NRG3: variants seen among roughly 807,000 people sequenced by gnomAD.
NRG3 encodes pro-neuregulin-3, membrane-bound isoform.
A neutral mutation model predicts 66.9 loss-of-function variants in NRG3; 31 were observed. That is an observed-to-expected ratio of 0.46 (90% confidence interval 0.35 to 0.63). NRG3 has a LOEUF of 0.63. Ranked by LOEUF, NRG3 falls within the 20% of genes least tolerant of loss-of-function variation. The pLI is 0.00. For synonymous variants in NRG3, 393 were observed against 359.4 expected (o/e 1.09, Z -1.06); for missense variants, 910 against 878.9 (o/e 1.04, Z -0.45).
chr10:82,983,971 T>G (rs1853186395), intron 8 of NRG3, among the ~76,000 whole-genome samples: 1 of 152,242 alleles, frequency 6.6e-6, no homozygotes, highest in Admixed American at 6.5e-5. Context: ...AAGATTTGTA[T>G]TTAGTGTGCA....
At chr10:82,938,623 G>A (rs1208556986) in intron 4 of NRG3, among the ~76,000 whole-genome samples, 1 of 152,236 alleles carries the variant, frequency 6.6e-6, no homozygotes, top group African/African-American at 2.4e-5. Flanking sequence ...CACCTCATCT[G>A]TCTGAGAGAA....
At chr10:82,036,652 T>A (rs2062804275) in intron 1 of NRG3, among the ~76,000 whole-genome samples, 2 of 152,172 alleles carry the variant, frequency 1.3e-5, no homozygotes, top group South Asian at 4.1e-4. Flanking sequence ...TTTATAAGTG[T>A]ATAGTACAGC....
At chr10:82,846,857 C>T (rs377645957) in intron 3 of NRG3, among the ~76,000 whole-genome samples, 34 of 152,192 alleles carry the variant, frequency 2.2e-4, no homozygotes, top group Middle Eastern at 3.4e-3. Flanking sequence ...ATACAAAATA[C>T]GCACCTACTA....
chr10:82,079,033 A>T (rs939530568), intron 1 of NRG3, among the ~76,000 whole-genome samples: 1 of 152,100 alleles, frequency 6.6e-6, no homozygotes, highest in Non-Finnish European at 1.5e-5. Flanking sequence ...GTATTAATTA[A>T]TGAATTCTTT....
rs74943165 is a variant in NRG3, at chr10:82,401,784, A to G, written c.953+42916A>G. On this transcript the variant is annotated intron_variant, in intron 2 of 8. Coordinates refer to ENST00000372141, the MANE Select transcript of NRG3 (RefSeq NM_001010848.4). ...TAAATTGCTTTTGATATTTGCCTTTAGTAATTCAACCTCATTTTCTTAAGA... is the reference window on the plus strand; with the variant it reads ...TAAATTGCTTTTGATATTTGCCTTTGGTAATTCAACCTCATTTTCTTAAGA... Among the ~76,000 whole-genome samples the G allele has an allele frequency of 5.3e-3, 809 of 152,218 alleles. 7 individuals are homozygous for G. The highest frequency in any genetic ancestry group is 0.019 in the African/African-American group (789 of 41,542).
chr10:81,886,500 A>G (rs751407163), intron 1 of NRG3, among the ~76,000 whole-genome samples: 2 of 152,184 alleles, frequency 1.3e-5, no homozygotes, highest in Admixed American at 6.6e-5. Context: ...TTATATATCC[A>G]TAAGAAATTT....
intron 1 of NRG3, among the ~76,000 whole-genome samples, chr10:82,289,912 A>G (rs2079627701): frequency 6.6e-6 from 1 of 152,162 alleles, no homozygotes; most frequent in African/African-American, 2.4e-5. Flanking sequence ...GCATCAGGCA[A>G]TTCCCCATGG....
intron 1 of NRG3, among the ~76,000 whole-genome samples, chr10:82,119,114 CAA>C (rs1316517782): frequency 6.6e-6 from 1 of 152,068 alleles, no homozygotes. Flanking sequence ...ATAAATGTAA[CAA>C]ATATATCAAT....
intron 1 of NRG3, among the ~76,000 whole-genome samples, chr10:81,879,090 T>C (rs996757981): frequency 2.6e-5 from 4 of 152,196 alleles, no homozygotes; most frequent in Non-Finnish European, 5.9e-5. Context: ...GTTTGCAAGT[T>C]GATTCTTCTC....
At chr10:82,383,102 G>A (rs2085731977) in intron 2 of NRG3, among the ~76,000 whole-genome samples, 1 of 151,810 alleles carries the variant, frequency 6.6e-6, no homozygotes, top group Admixed American at 6.6e-5. Context: ...GTGTAACACT[G>A]GTATTAAAGT....
chr10:82,843,822 G>C (rs567821065), intron 3 of NRG3, among the ~76,000 whole-genome samples: 1 of 152,086 alleles, frequency 6.6e-6, no homozygotes, highest in African/African-American at 2.4e-5. Flanking sequence ...AAGGTTAATG[G>C]GATGAATCAG....
chr10:82,587,683 C>T (rs2046752776), intron 2 of NRG3, among the ~76,000 whole-genome samples: 1 of 152,108 alleles, frequency 6.6e-6, no homozygotes, highest in African/African-American at 2.4e-5. Flanking sequence ...TCTAGAGCCG[C>T]TGATATGACA....
chr10:81,930,003 C>G (rs1333268425), intron 1 of NRG3, among the ~76,000 whole-genome samples: 1 of 152,168 alleles, frequency 6.6e-6, no homozygotes, highest in Non-Finnish European at 1.5e-5. Context: ...CGCACTATAT[C>G]CCAGAGTCTC....
At chr10:81,911,352 G>A (rs1845126498) in intron 1 of NRG3, among the ~76,000 whole-genome samples, 1 of 152,092 alleles carries the variant, frequency 6.6e-6, no homozygotes, top group Non-Finnish European at 1.5e-5. Context: ...ATGGTGCAAA[G>A]CCTAGGAGAT....
At chr10:82,286,059 A>C (rs1331778437) in intron 1 of NRG3, among the ~76,000 whole-genome samples, 4 of 152,304 alleles carry the variant, frequency 2.6e-5, no homozygotes, top group African/African-American at 7.2e-5. Flanking sequence ...TTGATTCTAC[A>C]AACAGAAGAA....
intron 1 of NRG3, among the ~76,000 whole-genome samples, chr10:81,933,043 G>T (rs1165856954): frequency 6.6e-6 from 1 of 151,138 alleles, no homozygotes; most frequent in Non-Finnish European, 1.5e-5. Flanking sequence ...GGGAGGCAGA[G>T]GTTGCAGTGA....
At chr10:82,052,732 A>G (rs1564773328) in intron 1 of NRG3, among the ~76,000 whole-genome samples, 1 of 152,184 alleles carries the variant, frequency 6.6e-6, no homozygotes, top group East Asian at 1.9e-4. Context: ...TGATATATAA[A>G]TGTTTGAAAA....
chr10:82,933,488 C>T (rs996065050), intron 4 of NRG3, among the ~76,000 whole-genome samples: 6 of 152,146 alleles, frequency 3.9e-5, no homozygotes, highest in East Asian at 1.9e-4. Context: ...CCAATTTGCT[C>T]GTAGTTCATT....
At chr10:82,131,799 G>A (rs2068841161) in intron 1 of NRG3, among the ~76,000 whole-genome samples, 1 of 151,948 alleles carries the variant, frequency 6.6e-6, no homozygotes, top group South Asian at 2.1e-4. Context: ...TGTAGCTATT[G>A]TAAATGAGAT....
Sources: gnomAD v4.1 joint callset for allele counts (sites outside exome capture counted in the v4.1 genomes callset) on GRCh38, gnomAD v4.1.1 for gene constraint, MANE v1.5 for transcripts, NCBI Gene and HGNC (gene_info 2026-07-23, HGNC 2026-07-21) for gene names.